KDM2B: variants seen among roughly 807,000 people sequenced by gnomAD.
KDM2B encodes lysine demethylase 2B.
A neutral mutation model predicts 150.0 loss-of-function variants in KDM2B; 26 were observed. That is an observed-to-expected ratio of 0.17 (90% CI 0.13 to 0.24). KDM2B has a LOEUF of 0.24. Ranked by LOEUF, KDM2B falls within the 10% of genes least tolerant of loss-of-function variation. KDM2B has a pLI of 1.00. For missense variants in KDM2B, 1,265 were observed against 1,816.9 expected (o/e 0.70, Z 5.52); for synonymous variants, 734 against 729.5 (o/e 1.01, Z -0.10).
chr12:121,511,986 G>A (rs1053821212), intron 10 of KDM2B, among the ~76,000 whole-genome samples: 6 of 152,114 alleles, frequency 3.9e-5, no homozygotes, highest in African/African-American at 1.2e-4. Context: ...GCACCACCTC[G>A]AGATTTCCTC....
downstream of KDM2B, among the ~76,000 whole-genome samples, chr12:121,425,301 C>T (rs191392901): frequency 9.6e-5 from 13 of 134,736 alleles, no homozygotes; most frequent in African/African-American, 4.0e-4. Flanking sequence ...AGCGAAACTC[C>T]GTCTCAAAAA....
At chr12:121,422,409 A>G in the KDM2B span, among the ~76,000 whole-genome samples, 1 of 152,186 alleles carries the variant, frequency 6.6e-6, no homozygotes, top group African/African-American at 2.4e-5. Flanking sequence ...ACAGAAGGAG[A>G]GACCAAGGCC....
intron 12 of KDM2B, among the ~76,000 whole-genome samples, chr12:121,475,453 C>A (rs558513925): frequency 6.6e-6 from 1 of 151,300 alleles, no homozygotes; most frequent in South Asian, 2.1e-4. Context: ...TTTAGCCAGG[C>A]AAGGTGGCAT....
chr12:121,463,407 A>G (rs1392184711), intron 12 of KDM2B, among the ~76,000 whole-genome samples: 1 of 152,188 alleles, frequency 6.6e-6, no homozygotes, highest in African/African-American at 2.4e-5. Flanking sequence ...CCACCATGCC[A>G]CATGTATACC....
chr12:121,455,788 C>A (rs77485644), intron 12 of KDM2B, among the ~76,000 whole-genome samples: 1,681 of 152,330 alleles, frequency 0.011, 33 homozygotes, highest in African/African-American at 0.039. Context: ...GCGATTAGCA[C>A]CTTTCGGGGG....
the KDM2B span, among the ~76,000 whole-genome samples, chr12:121,411,698 T>G: frequency 6.6e-6 from 1 of 152,240 alleles, no homozygotes; most frequent in Non-Finnish European, 1.5e-5. Flanking sequence ...TTTTACACAG[T>G]TACTTGTCAG....
intron 4 of KDM2B, among the ~76,000 whole-genome samples, chr12:121,566,870 A>G (rs530983330): frequency 1.3e-5 from 2 of 152,208 alleles, no homozygotes; most frequent in Admixed American, 1.3e-4. Flanking sequence ...AAGACAAGCC[A>G]CAAAGTGGGA....
chr12:121,506,965 C>T (rs1566351819), intron 11 of KDM2B, among the ~76,000 whole-genome samples: 3 of 151,584 alleles, frequency 2.0e-5, no homozygotes, highest in Non-Finnish European at 2.9e-5. Context: ...GGCGAGGTGG[C>T]GGGCACCTGT....
At chr12:121,485,661 C>T (rs975247124) in intron 12 of KDM2B, among the ~76,000 whole-genome samples, 3 of 151,874 alleles carry the variant, frequency 2.0e-5, no homozygotes, top group Non-Finnish European at 4.4e-5. Context: ...GCCAGGGTTC[C>T]GGGGCTTCTG....
chr12:121,473,878 G>T (rs115175573), intron 12 of KDM2B, among the ~76,000 whole-genome samples: 1 of 152,148 alleles, frequency 6.6e-6, no homozygotes, highest in Admixed American at 6.5e-5. Context: ...CTATCCCTAC[G>T]ATGGAATTAT....
At chr12:121,477,946 T>C (rs1332763485) in intron 12 of KDM2B, among the ~76,000 whole-genome samples, 2 of 151,606 alleles carry the variant, frequency 1.3e-5, no homozygotes, top group African/African-American at 4.8e-5. Flanking sequence ...TCTCATTATG[T>C]TGCCCAGGCT....
intron 6 of KDM2B, among the ~76,000 whole-genome samples, chr12:121,535,683 G>A (rs963600439): frequency 2.0e-5 from 3 of 152,156 alleles, no homozygotes; most frequent in Non-Finnish European, 4.4e-5. Flanking sequence ...GGCTGGGGCC[G>A]GGGAGTGAAT....
chr12:121,524,790 C>A, intron 8 of KDM2B: 1 of 409,574 alleles, frequency 2.4e-6, no homozygotes, highest in South Asian at 1.7e-5. Flanking sequence ...GAGTCATCGA[C>A]AATATGAAGG....
intron 12 of KDM2B, among the ~76,000 whole-genome samples, chr12:121,484,888 A>C (rs1882592359): frequency 6.6e-6 from 1 of 152,172 alleles, no homozygotes; most frequent in Non-Finnish European, 1.5e-5. Context: ...ACGATTGATA[A>C]CAAGGGTTGG....
chr12:121,495,164 A>AT (rs201375532), intron 11 of KDM2B, among the ~76,000 whole-genome samples: 2,507 of 140,858 alleles, frequency 0.018, 66 homozygotes, highest in African/African-American at 0.059. Flanking sequence ...CCCTGGCTAA[A>AT]TTTTTTTTTT....
At chr12:121,514,627 G>C (rs560955340) in intron 9 of KDM2B, among the ~76,000 whole-genome samples, 1 of 151,694 alleles carries the variant, frequency 6.6e-6, no homozygotes, top group Non-Finnish European at 1.5e-5. Context: ...GGACGAGAAA[G>C]CCCTCCTCCC....
At chr12:121,461,372 G>C (rs1879096959) in intron 12 of KDM2B, among the ~76,000 whole-genome samples, 1 of 152,172 alleles carries the variant, frequency 6.6e-6, no homozygotes, top group Admixed American at 6.5e-5. Context: ...GTAAGTTAAA[G>C]GCTTCACAAC....
intron 7 of KDM2B, among the ~76,000 whole-genome samples, chr12:121,534,162 A>C (rs367698249): frequency 1.3e-5 from 2 of 152,196 alleles, no homozygotes; most frequent in Admixed American, 6.5e-5. Flanking sequence ...ATCCTGGCTA[A>C]CACGGTGAAA....
intron 6 of KDM2B, among the ~76,000 whole-genome samples, chr12:121,543,622 G>A (rs1161480515): frequency 3.3e-5 from 5 of 151,408 alleles, no homozygotes; most frequent in Admixed American, 6.6e-5. Context: ...TCAGGAGATC[G>A]AAACCATCCT....
Sources: allele counts gnomAD v4.1 joint callset (sites outside exome capture counted in the v4.1 genomes callset), GRCh38; gene constraint gnomAD v4.1.1; transcripts MANE v1.5; gene names NCBI Gene and HGNC (gene_info 2026-07-23, HGNC 2026-07-21).